The following ZDHHC8 variants were observed in gnomAD, a reference collection of about 807,000 sequenced individuals.
ZDHHC8 encodes zDHHC palmitoyltransferase 8.
ZDHHC8 carries 24 observed loss-of-function variants against 61.2 expected under a neutral mutation model. The ratio of observed to expected loss-of-function variants is 0.39; its 90% CI spans 0.28 to 0.55. The LOEUF (loss-of-function observed/expected upper bound fraction) is 0.55. Among genes scored for constraint, ZDHHC8 ranks in the 20% least tolerant of loss-of-function variants. The pLI, the probability that ZDHHC8 is intolerant of heterozygous loss-of-function variation, is 0.60. For synonymous variants in ZDHHC8, 523 were observed against 492.5 expected (o/e 1.06, Z -0.82); for missense variants, 935 against 1,102.1 (o/e 0.85, Z 2.15).
Position 20,141,490 on chromosome 22 carries a change from C to T in ZDHHC8, c.1085C>T (p.Pro362Leu), listed in dbSNP as rs2050470647. Residue 362 changes from proline (P) to leucine (L), a missense_variant, in exon 9 of 11, where the codon CCC becomes CTC. By Grantham distance (98) the Pro-to-Leu change is moderately conservative. This residue lies in a region of ZDHHC8 where 692 missense variants were observed against 731.4 expected (regional missense o/e 0.95). Coordinates refer to ENST00000334554, the MANE Select transcript of ZDHHC8 (RefSeq NM_013373.4). ...ATGTACAAGTTTAGGCCGGCTTTCC[C>T]CACGGGTCCCAAGGTGCCCTTCTGT... ...PAMYKFRPAF[P>L]TGPKVPFCGP... is the part of the protein sequence containing the mutation. 2 of 1,613,076 alleles carry T rather than the reference C, an allele frequency of 1.2e-6. No homozygotes were observed. Among genetic ancestry groups the T allele is most frequent in the East Asian group, 2.2e-5 (1 of 44,884 alleles).
chr22:20,146,575 G>A lies in ZDHHC8; in HGVS notation c.*1175G>A. On this transcript the variant is annotated 3_prime_UTR_variant, in exon 11 of 11. Coordinates refer to ENST00000334554, the MANE Select transcript of ZDHHC8 (RefSeq NM_013373.4). Reference sequence around the variant, plus strand: ...CTGTCTGGTGTGCAGGGGTCGGTGGGTTCCTCAGGGGCATTTCTGCCGACT... The same window carrying A: ...CTGTCTGGTGTGCAGGGGTCGGTGGATTCCTCAGGGGCATTTCTGCCGACT... 1.0e-6 allele frequency: 1 copy of A among 994,796 alleles called. No individual in the cohort carries two copies. The highest frequency in any genetic ancestry group is 4.7e-5 in the South Asian group (1 of 21,396). 61.6% of individuals were successfully genotyped at this position (994,796 alleles called of 1,614,324 possible).
chr22:20,147,061 G>A lies in ZDHHC8; in HGVS notation c.*1661G>A. ...CTGCACCCGTGGATGGGGGCGGCGT[G>A]GCCAGCCTTGGGTGCCTCCTGGGCT... On this transcript the variant is annotated 3_prime_UTR_variant, in exon 11 of 11. Coordinates refer to ENST00000334554, the MANE Select transcript of ZDHHC8 (RefSeq NM_013373.4). 6.8e-7 allele frequency: 1 copy of A among 1,480,622 alleles called. No homozygotes were observed. Among genetic ancestry groups the A allele is most frequent in the East Asian group, 2.8e-5 (1 of 36,296 alleles). 91.7% of individuals were successfully genotyped at this position (1,480,622 alleles called of 1,614,324 possible). A position where few individuals can be genotyped will look rare whatever the true frequency, so the allele number is the denominator to read the frequency against.
intron 1 of ZDHHC8, among the ~76,000 whole-genome samples, chr22:20,134,014 C>T (rs1358421787): frequency 5.3e-5 from 8 of 152,230 alleles, no homozygotes; most frequent in African/African-American, 1.4e-4. Context: ...AGTTTCCCCT[C>T]CTCTGTTCTG....
chr22:20,146,417 A>G lies in ZDHHC8; in HGVS notation c.*1017A>G. ...GTTTTATGTTTTTATATCTACATCT[A>G]TATATCTATAATTTTATTAAAAAAA... On this transcript the variant is annotated 3_prime_UTR_variant, in exon 11 of 11. Coordinates refer to ENST00000334554, the MANE Select transcript of ZDHHC8 (RefSeq NM_013373.4). The G allele has an allele frequency of 4.1e-6, 4 of 983,970 alleles. No individual in the cohort carries two copies. The highest frequency in any genetic ancestry group is 9.4e-5 in the South Asian group (2 of 21,270). The allele number at this position is 983,970 out of a possible 1,614,324, so 61.0% of individuals were successfully genotyped here. A position where few individuals can be genotyped will look rare whatever the true frequency, so the allele number is the denominator to read the frequency against.
chr22:20,138,377 C>T (rs955260254), intron 1 of ZDHHC8, among the ~76,000 whole-genome samples: 11 of 152,194 alleles, frequency 7.2e-5, no homozygotes, highest in African/African-American at 2.4e-4. Flanking sequence ...TTTAGGAACC[C>T]GCTGCAGGCC....
intron 1 of ZDHHC8, among the ~76,000 whole-genome samples, chr22:20,134,669 G>A (rs1490772066): frequency 6.6e-6 from 1 of 152,256 alleles, no homozygotes; most frequent in Non-Finnish European, 1.5e-5. Context: ...TGCTGCCGGT[G>A]GGGTGGCTTC....
intron 1 of ZDHHC8, among the ~76,000 whole-genome samples, chr22:20,137,739 G>A (rs186871199): frequency 6.6e-6 from 1 of 152,368 alleles, no homozygotes; most frequent in East Asian, 1.9e-4. Context: ...CTGCCTTAGG[G>A]GCCTGTGGTC....
rs773638097 is a variant in ZDHHC8 at position 20,139,496 on chromosome 22, A to T, written c.245A>T (p.Lys82Met). 6.2e-7 allele frequency: 1 copy of T among 1,613,688 alleles called. No individual in the cohort carries two copies. The highest frequency in any genetic ancestry group is 1.1e-5 in the South Asian group (1 of 91,086). ...VFPRADEDEDKEDDFRAPLYK... is the reference protein window; with the variant it reads ...VFPRADEDEDMEDDFRAPLYK... ...TCTGTAGCGGATGAGGATGAGGACAAGGAGGACGACTTCCGGGCTCCGCTG... is the reference window on the plus strand; with the variant it reads ...TCTGTAGCGGATGAGGATGAGGACATGGAGGACGACTTCCGGGCTCCGCTG... The change falls in exon 3 of 11, where the codon AAG becomes ATG. Residue 82 changes from lysine to methionine, a missense_variant. Around this residue, in one of 3 missense-constraint regions of ZDHHC8, gnomAD observed 199 missense variants for 334.0 expected, o/e 0.60. Transcript: ENST00000334554.
intron 1 of ZDHHC8, among the ~76,000 whole-genome samples, 185 bp downstream of exon 1, chr22:20,132,236 G>A (rs1362931955): frequency 1.3e-5 from 2 of 152,192 alleles, no homozygotes; most frequent in Admixed American, 6.5e-5. Flanking sequence ...CGGTGTGCCG[G>A]CGTCCCGGGC....
At position 20,146,243 on chromosome 22, in the gene ZDHHC8, A is replaced by G. The variant is rs2050521879; in HGVS notation, c.*843A>G. On this transcript the variant is annotated 3_prime_UTR_variant, in exon 11 of 11. Coordinates refer to ENST00000334554, the MANE Select transcript of ZDHHC8 (RefSeq NM_013373.4). ...TCAGGCCCTCCCTGCCAAACTGGAG[A>G]ACCCCACCCCAAGGCATGCCACGTC... 2 of 985,278 alleles carry G rather than the reference A, an allele frequency of 2.0e-6. No individual in the cohort carries two copies. Among genetic ancestry groups the G allele is most frequent in the Admixed American group, 1.2e-4 (2 of 16,248 alleles). The allele number at this position is 985,278 out of a possible 1,614,324, so 61.0% of individuals were successfully genotyped here.
chr22:20,147,250 G>A lies in ZDHHC8; in HGVS notation c.*1850G>A. The A allele has an allele frequency of 1.4e-6, 2 of 1,429,546 alleles. No individual in the cohort carries two copies. The allele number at this position is 1,429,546 out of a possible 1,614,324, so 88.6% of individuals were successfully genotyped here. A position where few individuals can be genotyped will look rare whatever the true frequency, so the allele number is the denominator to read the frequency against. ...GCCCTAGCAGGATGACAAGTAGGCG[G>A]CTCTGGGGCCCAGGACAGCCCAGCT... On this transcript the variant is annotated 3_prime_UTR_variant, in exon 11 of 11. Transcript: ENST00000334554.
chr22:20,135,343 G>A (rs951219681), intron 1 of ZDHHC8, among the ~76,000 whole-genome samples: 20 of 152,102 alleles, frequency 1.3e-4, no homozygotes, highest in African/African-American at 2.2e-4. Flanking sequence ...CAGAGGGTTC[G>A]AAGACCCCTA....
intron 1 of ZDHHC8, among the ~76,000 whole-genome samples, chr22:20,136,557 T>C (rs2050421951): frequency 6.6e-6 from 1 of 152,010 alleles, no homozygotes; most frequent in African/African-American, 2.4e-5. Context: ...CGAGGCTGGA[T>C]AGGGCTGGGT....
rs752095710 is a variant in ZDHHC8, at chr22:20,139,836, C to T, written c.501C>T (p.Gly167=). The T allele has an allele frequency of 9.0e-6, 14 of 1,558,006 alleles. No homozygotes were observed. The highest frequency in any genetic ancestry group is 1.1e-5 in the Non-Finnish European group (13 of 1,148,662). ...SAHMVGVVAF[G]LVYVLNHAEG... is the part of the protein sequence containing the mutation. Reference sequence around the variant, plus strand: ...ACATGGTGGGCGTCGTGGCCTTCGGCCTGGTCTACGTGCTGAACCACGCTG... The same window carrying T: ...ACATGGTGGGCGTCGTGGCCTTCGGTCTGGTCTACGTGCTGAACCACGCTG... Residue 167 remains glycine, a synonymous_variant, in exon 4 of 11, where the codon GGC becomes GGT. Coordinates refer to ENST00000334554, the MANE Select transcript of ZDHHC8 (RefSeq NM_013373.4).
At chr22:20,141,610 C>A in intron 9 of ZDHHC8, 80 bp downstream of exon 9, 1 of 1,172,276 alleles carries the variant, frequency 8.5e-7, no homozygotes, top group South Asian at 1.5e-5. Context: ...GCCTTCACCC[C>A]GTGAAGGCCC....
intron 1 of ZDHHC8, among the ~76,000 whole-genome samples, chr22:20,137,776 C>T (rs79788630): frequency 2.0e-4 from 31 of 152,310 alleles, no homozygotes; most frequent in African/African-American, 7.2e-4. Context: ...GCATTGGAGG[C>T]CAGGCACATG....
In ZDHHC8 at chr22:20,146,743, G is replaced by A; in HGVS notation, c.*1343G>A. ...AGACTTGGGTCTGCCGCTACCCACA[G>A]GGGACTCTCAGGAACCCGAGAGCTT... On this transcript the variant is annotated 3_prime_UTR_variant, in exon 11 of 11. Transcript: ENST00000334554. 1.3e-5 allele frequency: 16 copies of A among 1,200,124 alleles called. No homozygotes were observed. Among genetic ancestry groups the A allele is most frequent in the Non-Finnish European group, 1.7e-5 (16 of 967,858 alleles). 74.3% of individuals were successfully genotyped at this position (1,200,124 alleles called of 1,614,324 possible).
chr22:20,145,366 G>A lies in ZDHHC8; in HGVS notation c.2264G>A (p.Gly755Asp). 2 of 1,571,570 alleles carry A rather than the reference G, an allele frequency of 1.3e-6. No homozygotes were observed. The highest frequency in any genetic ancestry group is 1.7e-6 in the Non-Finnish European group (2 of 1,159,970). The change falls in exon 11 of 11, where the codon GGC becomes GAC. Residue 755 changes from glycine (G) to aspartate (D), a missense_variant. Physicochemically the swap from Gly to Asp is moderately conservative, Grantham distance 94. This residue lies in a region of ZDHHC8 where 692 missense variants were observed against 731.4 expected (regional missense o/e 0.95). Coordinates refer to ENST00000334554, the MANE Select transcript of ZDHHC8 (RefSeq NM_013373.4). ...CACACGCTGGTTAAGAAGGTGTCCG[G>A]CGTGGGTGGGACCACCTACGAGATC... is the stretch of plus-strand genomic sequence containing the variant. ...TRHTLVKKVS[G>D]VGGTTYEISV
chr22:20,138,274 C>T lies in ZDHHC8; in HGVS notation c.105-920C>T, dbSNP rs575848621. Reference sequence around the variant, plus strand: ...GGACGCAAACCCCTGTGTTCCTGTCCCTGCTGCTTGTCACAGCAGCTGTCT... The same window carrying T: ...GGACGCAAACCCCTGTGTTCCTGTCTCTGCTGCTTGTCACAGCAGCTGTCT... On this transcript the variant is annotated intron_variant, in intron 1 of 10. Coordinates refer to ENST00000334554, the MANE Select transcript of ZDHHC8 (RefSeq NM_013373.4). 2.1e-4 allele frequency among the ~76,000 whole-genome samples: 32 copies of T among 152,368 alleles called. No homozygotes were observed. The East Asian group carries it at 5.4e-3, about 26-fold the overall frequency.
Sources: allele counts gnomAD v4.1 joint callset (sites outside exome capture counted in the v4.1 genomes callset), GRCh38; gene constraint gnomAD v4.1.1; regional missense constraint gnomAD v4.1.1; transcripts MANE v1.5; gene names NCBI Gene and HGNC (gene_info 2026-07-23, HGNC 2026-07-21).